NXPE2: variants seen among roughly 807,000 people sequenced by gnomAD.
NXPE2 encodes the protein NXPE family member 2.
A neutral mutation model predicts 34.4 loss-of-function variants in NXPE2; 34 were observed. The ratio of observed to expected loss-of-function variants is 0.99; its 90% CI spans 0.75 to 1.31. NXPE2 has a LOEUF of 1.31. Among genes scored for constraint, NXPE2 ranks in the 40% most tolerant of loss-of-function variants. The pLI, the probability that NXPE2 is intolerant of heterozygous loss-of-function variation, is 0.00. For synonymous variants in NXPE2, 235 were observed against 231.3 expected, an observed-to-expected ratio of 1.02 and a Z score of -0.15; for missense variants, 649 against 672.5, an observed-to-expected ratio of 0.97 and a Z score of 0.39.
chr11:114,621,877 GATA>G, the NXPE2 span, among the ~76,000 whole-genome samples: 2 of 151,796 alleles, frequency 1.3e-5, no homozygotes, highest in African/African-American at 2.4e-5. Flanking sequence ...TTACCTGCTG[GATA>G]ATAAGTATTG....
At chr11:114,612,206 A>C in the NXPE2 span, among the ~76,000 whole-genome samples, 18 of 151,998 alleles carry the variant, frequency 1.2e-4, no homozygotes, top group African/African-American at 4.3e-4. Flanking sequence ...TACACGGTGG[A>C]GAATAAGTGT....
At chr11:114,646,932 T>G in the NXPE2 span, among the ~76,000 whole-genome samples, 1 of 152,090 alleles carries the variant, frequency 6.6e-6, no homozygotes, top group Non-Finnish European at 1.5e-5. Context: ...AGTTGCCAAA[T>G]AAGAAGCATG....
At chr11:114,607,096 C>T in the NXPE2 span, among the ~76,000 whole-genome samples, 284 of 151,938 alleles carry the variant, frequency 1.9e-3, 3 homozygotes, top group African/African-American at 5.4e-3. Context: ...AGTATTGCCT[C>T]GTGAGTAACC....
At chr11:114,530,451 C>T in the NXPE2 span, 1 of 1,614,238 alleles carries the variant, frequency 6.2e-7, no homozygotes, top group South Asian at 1.1e-5. Flanking sequence ...CGCCCCTTCA[C>T]TGGGGTGGAT....
the NXPE2 span, among the ~76,000 whole-genome samples, chr11:114,499,842 G>T: frequency 2.0e-5 from 3 of 152,038 alleles, no homozygotes; most frequent in Non-Finnish European, 4.4e-5. Context: ...TTGATTGTTG[G>T]GCTTTGTGTA....
chr11:114,783,376 C>T, the NXPE2 span, among the ~76,000 whole-genome samples: 22 of 152,172 alleles, frequency 1.4e-4, no homozygotes, highest in Non-Finnish European at 2.2e-4. Context: ...GAATGCCTGA[C>T]ATGTATGAGC....
chr11:114,511,476 A>T, the NXPE2 span, among the ~76,000 whole-genome samples: 1 of 152,186 alleles, frequency 6.6e-6, no homozygotes, highest in Admixed American at 6.5e-5. Context: ...CGTAATGGGG[A>T]GCTAGCTGCT....
At chr11:114,710,454 A>G (rs1055076067), downstream of NXPE2, among the ~76,000 whole-genome samples, 6 of 152,210 alleles carry the variant, frequency 3.9e-5, no homozygotes, top group South Asian at 2.1e-4. Flanking sequence ...TTGAGAGACT[A>G]CTATGAACAA....
At chr11:114,653,191 A>G in the NXPE2 span, among the ~76,000 whole-genome samples, 1 of 152,234 alleles carries the variant, frequency 6.6e-6, no homozygotes, top group East Asian at 1.9e-4. Context: ...GGTTTTTAAA[A>G]CAAAACATTT....
At chr11:114,537,881 C>T in the NXPE2 span, among the ~76,000 whole-genome samples, 34,049 of 151,464 alleles carry the variant, frequency 0.22, 5,367 homozygotes, top group African/African-American at 0.44. Context: ...GATTCAATGC[C>T]ATCCCCATCA....
At chr11:114,584,928 A>G in the NXPE2 span, among the ~76,000 whole-genome samples, 1 of 152,136 alleles carries the variant, frequency 6.6e-6, no homozygotes, top group Non-Finnish European at 1.5e-5. Context: ...TCTGAAGCAT[A>G]AAAGGCGCCA....
the NXPE2 span, chr11:114,583,023 T>G: frequency 4.4e-6 from 7 of 1,601,904 alleles, no homozygotes; most frequent in Non-Finnish European, 5.1e-6. Flanking sequence ...AGACCAAACC[T>G]GAAATGACAG....
At chr11:114,554,047 A>G in the NXPE2 span, 4 of 985,396 alleles carry the variant, frequency 4.1e-6, no homozygotes, top group South Asian at 4.7e-5. Flanking sequence ...TCTTCTCCCC[A>G]TCTTTGTGAA....
At chr11:114,680,036 G>A (rs371358902) in intron 2 of NXPE2, among the ~76,000 whole-genome samples, 22 of 152,046 alleles carry the variant, frequency 1.4e-4, no homozygotes, top group African/African-American at 3.6e-4. Context: ...TAACCATCCT[G>A]CGTCAAAATT....
At chr11:114,767,014 C>T in the NXPE2 span, among the ~76,000 whole-genome samples, 1 of 151,948 alleles carries the variant, frequency 6.6e-6, no homozygotes, top group African/African-American at 2.4e-5. Flanking sequence ...TCTTTAATTC[C>T]ATATGGAGTA....
At chr11:114,566,957 G>T in the NXPE2 span, among the ~76,000 whole-genome samples, 1 of 152,160 alleles carries the variant, frequency 6.6e-6, no homozygotes, top group South Asian at 2.1e-4. Flanking sequence ...ATCATGGACA[G>T]AAGTGCCTTA....
At chr11:114,764,843 G>T in the NXPE2 span, among the ~76,000 whole-genome samples, 1 of 152,134 alleles carries the variant, frequency 6.6e-6, no homozygotes, top group African/African-American at 2.4e-5. Flanking sequence ...AGATCAGTGG[G>T]AGTTTAAAGC....
At chr11:114,555,316 C>A in the NXPE2 span, among the ~76,000 whole-genome samples, 2 of 152,140 alleles carry the variant, frequency 1.3e-5, no homozygotes, top group South Asian at 4.2e-4. Context: ...CTCCACCTCC[C>A]GGGTTCAAGT....
chr11:114,634,678 A>G, the NXPE2 span, among the ~76,000 whole-genome samples: 3 of 152,066 alleles, frequency 2.0e-5, no homozygotes, highest in African/African-American at 4.8e-5. Context: ...AGCTTTCTAC[A>G]TATCGCTAGT....
Sources: allele counts gnomAD v4.1 joint callset (sites outside exome capture counted in the v4.1 genomes callset), GRCh38; gene constraint gnomAD v4.1.1; transcripts MANE v1.5; gene names NCBI Gene and HGNC (gene_info 2026-07-23, HGNC 2026-07-21).